Variants in PDZRN3 observed in about 807,000 individuals in gnomAD.
PDZRN3 encodes PDZ domain containing ring finger 3, also known as E3 ubiquitin-protein ligase PDZRN3.
A neutral mutation model predicts 85.7 loss-of-function variants in PDZRN3; 38 were observed. The observed-to-expected ratio is 0.44, with a 90% confidence interval of 0.34 to 0.58. The LOEUF is 0.58. PDZRN3 is among the 20% of genes least tolerant of loss of function. The pLI is 0.01. For synonymous variants in PDZRN3, 759 were observed against 638.0 expected, an observed-to-expected ratio of 1.19 and a Z score of -2.86; for missense variants, 1,629 against 1,506.4, an observed-to-expected ratio of 1.08 and a Z score of -1.35.
chr3:73,412,112 C>T (rs1355508303), intron 3 of PDZRN3, among the ~76,000 whole-genome samples: 4 of 152,156 alleles, frequency 2.6e-5, no homozygotes, highest in Admixed American at 6.5e-5. Flanking sequence ...CTTTTTTACA[C>T]GTCAATGTTA....
At chr3:73,622,064 A>C (rs1420179796) in intron 1 of PDZRN3, among the ~76,000 whole-genome samples, 1 of 152,226 alleles carries the variant, frequency 6.6e-6, no homozygotes, top group Non-Finnish European at 1.5e-5. Flanking sequence ...AGTCCAGATG[A>C]CAGCATAAAC....
intron 3 of PDZRN3, among the ~76,000 whole-genome samples, chr3:73,522,117 C>T (rs925658932): frequency 6.6e-6 from 1 of 152,186 alleles, no homozygotes; most frequent in African/African-American, 2.4e-5. Flanking sequence ...TCACTTTCAT[C>T]TTGTCGACGG....
intron 3 of PDZRN3, among the ~76,000 whole-genome samples, chr3:73,473,179 C>A (rs1435346935): frequency 6.6e-6 from 1 of 152,174 alleles, no homozygotes; most frequent in Non-Finnish European, 1.5e-5. Context: ...TCCACTATGT[C>A]TTTTTTCCTG....
intron 3 of PDZRN3, among the ~76,000 whole-genome samples, chr3:73,562,185 A>C (rs1207171350): frequency 6.6e-6 from 1 of 152,162 alleles, no homozygotes; most frequent in African/African-American, 2.4e-5. Context: ...ACCTCTCTCT[A>C]TTGCACACAG....
chr3:73,609,175 T>G (rs1328640430), intron 1 of PDZRN3, among the ~76,000 whole-genome samples: 4 of 152,014 alleles, frequency 2.6e-5, no homozygotes, highest in Non-Finnish European at 5.9e-5. Flanking sequence ...GGAAAAATAG[T>G]GCATGAAAAG....
At chr3:73,422,746 A>G (rs1702230018) in intron 3 of PDZRN3, among the ~76,000 whole-genome samples, 1 of 152,202 alleles carries the variant, frequency 6.6e-6, no homozygotes, top group African/African-American at 2.4e-5. Flanking sequence ...TTCCTGTTCC[A>G]ATCCATGGCG....
intron 3 of PDZRN3, among the ~76,000 whole-genome samples, chr3:73,485,644 C>A (rs1361963023): frequency 1.3e-5 from 2 of 152,096 alleles, no homozygotes; most frequent in African/African-American, 4.8e-5. Context: ...TGGTCAAGTC[C>A]AAACTTACTG....
chr3:73,389,992 T>C (rs1469594447), intron 6 of PDZRN3, 114 bp from the exon 7 acceptor site: 6 of 796,108 alleles, frequency 7.5e-6, no homozygotes, highest in Non-Finnish European at 1.3e-5. Flanking sequence ...GTTTCTGTTT[T>C]GCACAGAAAT....
At chr3:73,531,183 G>A (rs894895244) in intron 3 of PDZRN3, among the ~76,000 whole-genome samples, 5 of 150,742 alleles carry the variant, frequency 3.3e-5, no homozygotes, top group Admixed American at 6.6e-5. Context: ...CCCGGGAGGC[G>A]GAGCTTGCAG....
At chr3:73,390,755 G>T (rs924058053) in intron 6 of PDZRN3, among the ~76,000 whole-genome samples, 7 of 151,762 alleles carry the variant, frequency 4.6e-5, no homozygotes, top group African/African-American at 7.3e-5. Flanking sequence ...TCTTCCCTTG[G>T]GGCTAAACAC....
chr3:73,605,362 G>T lies in PDZRN3; in HGVS notation c.811-2901C>A, dbSNP rs1575760740. On this transcript the variant is annotated intron_variant, in intron 2 of 9. Coordinates refer to ENST00000263666, the MANE Select transcript of PDZRN3 (RefSeq NM_015009.3). ...TTGTTTTGCTGCCTTGAGTAAGAGAGAAATGAAAGGGGATTGTTTTCATAG... is the reference window on the plus strand; with the variant it reads ...TTGTTTTGCTGCCTTGAGTAAGAGATAAATGAAAGGGGATTGTTTTCATAG... Among the ~76,000 whole-genome samples, 4 of 152,194 alleles carry T rather than the reference G, an allele frequency of 2.6e-5. No homozygotes were observed. In the East Asian group the frequency reaches 7.7e-4, roughly 29 times the overall value.
intron 3 of PDZRN3, among the ~76,000 whole-genome samples, chr3:73,563,336 C>T (rs547046411): frequency 6.6e-6 from 1 of 151,498 alleles, no homozygotes; most frequent in African/African-American, 2.4e-5. Flanking sequence ...TGCCCAGCCG[C>T]CAAATTATAT....
At chr3:73,572,574 G>A (rs945445935) in intron 3 of PDZRN3, among the ~76,000 whole-genome samples, 1 of 152,090 alleles carries the variant, frequency 6.6e-6, no homozygotes, top group African/African-American at 2.4e-5. Context: ...TGTACATTCC[G>A]GCTGTCAGGG....
At chr3:73,589,980 G>A (rs757295431) in intron 3 of PDZRN3, among the ~76,000 whole-genome samples, 1 of 151,904 alleles carries the variant, frequency 6.6e-6, no homozygotes, top group Admixed American at 6.6e-5. Context: ...TTGTCAAAAC[G>A]CAGATTAGCT....
intron 3 of PDZRN3, among the ~76,000 whole-genome samples, chr3:73,426,823 A>G (rs566964929): frequency 6.6e-6 from 1 of 152,180 alleles, no homozygotes; most frequent in Non-Finnish European, 1.5e-5. Context: ...TCTAACAAAC[A>G]CGTTCCCAGA....
intron 3 of PDZRN3, among the ~76,000 whole-genome samples, chr3:73,437,477 C>T (rs896110221): frequency 3.3e-4 from 51 of 152,312 alleles, no homozygotes; most frequent in African/African-American, 1.1e-3. Flanking sequence ...AACAAGTGTG[C>T]TGGACCCCCA....
intron 3 of PDZRN3, among the ~76,000 whole-genome samples, chr3:73,474,948 CCA>C (rs899436502): frequency 1.3e-5 from 2 of 152,074 alleles, no homozygotes; most frequent in African/African-American, 2.4e-5. Context: ...AGTGGTTTTT[CCA>C]CAGTCTTTTC....
At chr3:73,535,354 T>G (rs1002422364) in intron 3 of PDZRN3, among the ~76,000 whole-genome samples, 1 of 152,148 alleles carries the variant, frequency 6.6e-6, no homozygotes, top group African/African-American at 2.4e-5. Flanking sequence ...CTCCAATATA[T>G]CATCAAGATA....
At chr3:73,555,038 A>C (rs1300166963) in intron 3 of PDZRN3, among the ~76,000 whole-genome samples, 1 of 152,230 alleles carries the variant, frequency 6.6e-6, no homozygotes, top group African/African-American at 2.4e-5. Flanking sequence ...GACAAAGCAG[A>C]TAAGTTGCAG....
Sources: gnomAD v4.1 joint callset for allele counts (sites outside exome capture counted in the v4.1 genomes callset) on GRCh38, gnomAD v4.1.1 for gene constraint, MANE v1.5 for transcripts, NCBI Gene and HGNC (gene_info 2026-07-23, HGNC 2026-07-21) for gene names.